The following MAST2 variants were observed in gnomAD, a reference collection of about 807,000 sequenced individuals.
The protein encoded by MAST2 is microtubule-associated serine/threonine-protein kinase 2.
In MAST2, 70 loss-of-function variants were observed where a neutral mutation model predicts 147.4. The ratio of observed to expected loss-of-function variants is 0.47; its 90% CI spans 0.39 to 0.58. MAST2 has a LOEUF of 0.58. Among genes scored for constraint, MAST2 ranks in the 20% least tolerant of loss-of-function variants. MAST2 has a pLI of 0.00. For missense variants in MAST2, 2,080 were observed against 2,302.3 expected (o/e 0.90, Z 1.98); for synonymous variants, 869 against 896.8 (o/e 0.97, Z 0.55).
chr1:45,863,228 C>G (rs1646037230), intron 3 of MAST2, among the ~76,000 whole-genome samples: 1 of 152,182 alleles, frequency 6.6e-6, no homozygotes, highest in Non-Finnish European at 1.5e-5. Context: ...CCTACTTCCT[C>G]TCTGCTGATA....
In MAST2 at chr1:45,945,414, A is replaced by G. The variant is rs566170464; in HGVS notation, c.501-13972A>G. On this transcript the variant is annotated intron_variant, in intron 4 of 28. Transcript: ENST00000361297. ...ATAATAAAAAGATAAAACAACAACCATAAAAATGACCATGATGATACTGGT... is the reference window on the plus strand; with the variant it reads ...ATAATAAAAAGATAAAACAACAACCGTAAAAATGACCATGATGATACTGGT... Among the ~76,000 whole-genome samples, 3 of 152,384 alleles carry G rather than the reference A, an allele frequency of 2.0e-5. No individual in the cohort carries two copies. The East Asian group carries it at 5.8e-4, about 29-fold the overall frequency.
At position 46,030,192 on chromosome 1, in the gene MAST2, G is replaced by C. The variant is rs190131434; in HGVS notation, c.2507G>C (p.Cys836Ser). Residue 836 changes from cysteine to serine, a missense_variant, in exon 21 of 29, where the codon TGC (cysteine) becomes TCC (serine). This residue lies in a region of MAST2 where 1,278 missense variants were observed against 1,304.2 expected (regional missense o/e 0.98). Transcript: ENST00000361297. Reference sequence around the variant, plus strand: ...GAGGAAGAAGTGAGTGAGGATGGCTGCCTTGAGATCCGCCAGTTCTCTTCC... The same window carrying C: ...GAGGAAGAAGTGAGTGAGGATGGCTCCCTTGAGATCCGCCAGTTCTCTTCC... Reference protein sequence around the residue: ...EDEEEVSEDGCLEIRQFSSCS... With the variant: ...EDEEEVSEDGSLEIRQFSSCS... The C allele has an allele frequency of 7.4e-6, 12 of 1,614,256 alleles. No individual in the cohort carries two copies. The African/African-American group carries it at 1.6e-4, about 22-fold the overall frequency.
At chr1:45,990,377 A>G (rs1312358447) in intron 5 of MAST2, among the ~76,000 whole-genome samples, 1 of 152,114 alleles carries the variant, frequency 6.6e-6, no homozygotes. Context: ...GCTCATTTTT[A>G]AAATTGGGTT....
chr1:45,811,973 T>C (rs1644316283), intron 1 of MAST2, among the ~76,000 whole-genome samples: 1 of 152,088 alleles, frequency 6.6e-6, no homozygotes, highest in South Asian at 2.1e-4. Context: ...TTTCACCATG[T>C]TGGCCAGGCT....
chr1:45,896,478 A>C (rs931925784), intron 4 of MAST2, among the ~76,000 whole-genome samples: 1 of 152,276 alleles, frequency 6.6e-6, no homozygotes, highest in East Asian at 1.9e-4. Flanking sequence ...CCATGTGTGC[A>C]GCCATCCTGA....
chr1:45,822,616 G>T (rs1644671940), intron 1 of MAST2, among the ~76,000 whole-genome samples: 1 of 152,136 alleles, frequency 6.6e-6, no homozygotes, highest in Non-Finnish European at 1.5e-5. Context: ...CCATGCAGCT[G>T]GTTGTAAGTT....
chr1:45,946,892 G>A (rs1658117404), intron 4 of MAST2, among the ~76,000 whole-genome samples: 3 of 152,054 alleles, frequency 2.0e-5, no homozygotes, highest in African/African-American at 7.2e-5. Context: ...TTGTGCCTAC[G>A]TCAGAGTTTT....
At chr1:45,831,482 A>G (rs1345478182) in intron 3 of MAST2, among the ~76,000 whole-genome samples, 2 of 152,184 alleles carry the variant, frequency 1.3e-5, no homozygotes, top group African/African-American at 4.8e-5. Flanking sequence ...CACAGAGAGA[A>G]TCAGGATCAT....
chr1:45,815,308 T>C (rs940759811), intron 1 of MAST2, among the ~76,000 whole-genome samples: 17 of 152,036 alleles, frequency 1.1e-4, no homozygotes, highest in Non-Finnish European at 1.9e-4. Flanking sequence ...TAGCTAGGAC[T>C]ACAGGCACAT....
Position 45,991,457 on chromosome 1 carries a change from C to A in MAST2, c.593-6267C>A, listed in dbSNP as rs146071484. ...ATTTTGATTGGGATTGCATTTAATCCGTAGATCAAATTGCTTATAATTAAC... is the reference window on the plus strand; with the variant it reads ...ATTTTGATTGGGATTGCATTTAATCAGTAGATCAAATTGCTTATAATTAAC... On this transcript the variant is annotated intron_variant, in intron 5 of 28. Transcript: ENST00000361297. Among the ~76,000 whole-genome samples the A allele has an allele frequency of 2.0e-5, 3 of 152,218 alleles. No individual in the cohort carries two copies. The South Asian group carries it at 6.2e-4, about 32-fold the overall frequency.
At chr1:45,975,502 A>C (rs1267354667) in intron 5 of MAST2, among the ~76,000 whole-genome samples, 139 of 69,008 alleles carry the variant, frequency 2.0e-3, no homozygotes, top group South Asian at 5.4e-3. Context: ...CTCCAAAAAA[A>C]AAAAAAAAAA....
In MAST2 at chr1:45,821,317, G is replaced by C. The variant is rs1315439501; in HGVS notation, c.178-3116G>C. On this transcript the variant is annotated intron_variant, in intron 1 of 28. Coordinates refer to ENST00000361297, the MANE Select transcript of MAST2 (RefSeq NM_015112.3). ...GATATGAGCTGTTCGTCTGATTCAGGATCTCCTGTATTTGACAAGTTGCTT... is the reference window on the plus strand; with the variant it reads ...GATATGAGCTGTTCGTCTGATTCAGCATCTCCTGTATTTGACAAGTTGCTT... Among the ~76,000 whole-genome samples, 4 of 152,206 alleles carry C rather than the reference G, an allele frequency of 2.6e-5. No individual in the cohort carries two copies. The East Asian group carries it at 7.7e-4, about 29-fold the overall frequency.
chr1:46,008,959 G>A (rs1645600410), intron 9 of MAST2, among the ~76,000 whole-genome samples: 1 of 152,208 alleles, frequency 6.6e-6, no homozygotes, highest in African/African-American at 2.4e-5. Flanking sequence ...AAAGTAGGTT[G>A]TTATCCTGAG....
intron 1 of MAST2, among the ~76,000 whole-genome samples, chr1:45,821,515 CTTTTTTTTTTTTT>C (rs59159342): frequency 2.5e-4 from 18 of 70,928 alleles, no homozygotes; most frequent in African/African-American, 9.8e-4. Context: ...GTTATTTCTT[CTTTTTTTTTTTTT>C]TTTTTTTTTT....
intron 3 of MAST2, among the ~76,000 whole-genome samples, chr1:45,838,448 C>A (rs1416716883): frequency 6.6e-6 from 1 of 151,726 alleles, no homozygotes; most frequent in Non-Finnish European, 1.5e-5. Flanking sequence ...TTCTTGAACT[C>A]CTGACCTCAG....
intron 19 of MAST2, 131 bp from the exon 20 acceptor site, chr1:46,029,700 G>A (rs1646560207): frequency 7.3e-7 from 1 of 1,375,742 alleles, no homozygotes; most frequent in South Asian, 1.3e-5. Flanking sequence ...TGCTCTGTAG[G>A]CAGAAAAGGG....
At position 46,023,135 on chromosome 1, in the gene MAST2, T is replaced by A. The variant is rs1348833352; in HGVS notation, c.1486-98T>A. 2.3e-6 allele frequency: 3 copies of A among 1,280,310 alleles called. No individual in the cohort carries two copies. The highest frequency in any genetic ancestry group is 2.3e-6 in the Non-Finnish European group (2 of 877,508). The allele number at this position is 1,280,310 out of a possible 1,614,324, so 79.3% of individuals were successfully genotyped here. A position where few individuals can be genotyped will look rare whatever the true frequency, so the allele number is the denominator to read the frequency against. On this transcript the variant is annotated intron_variant, in intron 13 of 28. Coordinates refer to ENST00000361297, the MANE Select transcript of MAST2 (RefSeq NM_015112.3). This position sits in a 1 kb window ranked among gnomAD's most constrained non-coding sequence, Gnocchi z 4.9. ...CAGAAGAATGAGCAGGAGACTGCAC[T>A]AGAGCTGACAGCTGAGAAGATGCTA...
Position 46,034,094 on chromosome 1 carries a change from C to A in MAST2, c.3696C>A (p.Phe1232Leu). Residue 1232 changes from phenylalanine to leucine, a missense_variant, in exon 28 of 29, where the codon TTC (phenylalanine) becomes TTA (leucine). Phe to Leu is a conservative substitution (Grantham distance 22). Coordinates refer to ENST00000361297, the MANE Select transcript of MAST2 (RefSeq NM_015112.3). ...GCAGCAGAAAAAGGAGCTCCCTGTT[C>A]CGCAAGATCACCAAGCAAGCATCCC... ...GQESRKRSSL[F>L]RKITKQASLL... 1.2e-6 allele frequency: 2 copies of A among 1,613,652 alleles called. No individual in the cohort carries two copies. Among genetic ancestry groups the A allele is most frequent in the Non-Finnish European group, 1.7e-6 (2 of 1,179,734 alleles).
At chr1:45,854,569 A>G (rs980111829) in intron 3 of MAST2, among the ~76,000 whole-genome samples, 4 of 152,090 alleles carry the variant, frequency 2.6e-5, no homozygotes, top group Non-Finnish European at 5.9e-5. Flanking sequence ...AAGCTTTTTT[A>G]TATCTACAAA....
Sources: allele counts gnomAD v4.1 joint callset (sites outside exome capture counted in the v4.1 genomes callset), GRCh38; gene constraint gnomAD v4.1.1; regional missense constraint gnomAD v4.1.1; non-coding constraint Gnocchi (gnomAD v3.1); transcripts MANE v1.5; gene names NCBI Gene and HGNC (gene_info 2026-07-23, HGNC 2026-07-21).